Variants in TTC28 observed in about 807,000 individuals in gnomAD.
The protein encoded by TTC28 is tetratricopeptide repeat domain 28, also known as tetratricopeptide repeat protein 28.
A neutral mutation model predicts 198.0 loss-of-function variants in TTC28; 61 were observed. The ratio of observed to expected loss-of-function variants is 0.31; its 90% CI spans 0.25 to 0.38. The LOEUF (loss-of-function observed/expected upper bound fraction) is 0.38. TTC28 is among the 10% of genes least tolerant of loss of function. The pLI is 1.00. For synonymous variants in TTC28, 1,171 were observed against 1,297.8 expected (o/e 0.90, Z 2.10); for missense variants, 2,678 against 3,164.0 (o/e 0.85, Z 3.69).
chr22:28,329,123 T>C (rs2045577884), intron 2 of TTC28, among the ~76,000 whole-genome samples: 1 of 152,176 alleles, frequency 6.6e-6, no homozygotes, highest in African/African-American at 2.4e-5. Context: ...GACTTTCTTC[T>C]TGCTGTCCTA....
intron 2 of TTC28, among the ~76,000 whole-genome samples, chr22:28,607,969 A>G (rs943293540): frequency 5.9e-5 from 9 of 152,206 alleles, no homozygotes; most frequent in African/African-American, 2.2e-4. Context: ...GTGGAAAAAC[A>G]CTTCCAAAAT....
intron 6 of TTC28, among the ~76,000 whole-genome samples, chr22:28,162,431 T>C (rs1351309935): frequency 6.6e-6 from 1 of 152,244 alleles, no homozygotes; most frequent in Non-Finnish European, 1.5e-5. Context: ...TCTCATCTAC[T>C]GATGACTGCT....
At chr22:28,190,102 A>G (rs967067853) in intron 5 of TTC28, among the ~76,000 whole-genome samples, 6 of 152,210 alleles carry the variant, frequency 3.9e-5, no homozygotes, top group African/African-American at 1.4e-4. Context: ...ATGGTCACAC[A>G]GCTGAAAGGT....
chr22:28,567,479 CATATATATATATATATAT>C (rs398040471), intron 2 of TTC28, among the ~76,000 whole-genome samples: 39 of 51,144 alleles, frequency 7.6e-4, no homozygotes, highest in East Asian at 1.9e-3. Context: ...TACATACATA[CATATATATATATATATAT>C]ATATATATAT....
chr22:28,661,207 C>T (rs1310930429), intron 1 of TTC28, among the ~76,000 whole-genome samples: 2 of 151,958 alleles, frequency 1.3e-5, no homozygotes, highest in African/African-American at 4.8e-5. Flanking sequence ...TCCCTTGAAC[C>T]CAGGAGGTGG....
intron 2 of TTC28, among the ~76,000 whole-genome samples, chr22:28,597,791 T>C (rs1273249175): frequency 6.6e-6 from 1 of 152,100 alleles, no homozygotes; most frequent in Non-Finnish European, 1.5e-5. Flanking sequence ...TCCTCTTACC[T>C]TTTGCGGGGA....
intron 2 of TTC28, among the ~76,000 whole-genome samples, chr22:28,445,951 G>C (rs1311991943): frequency 3.3e-5 from 5 of 151,976 alleles, no homozygotes; most frequent in Admixed American, 3.3e-4. Flanking sequence ...GCAGGGACTT[G>C]ACTGTTATAA....
chr22:28,003,418 T>A (rs1181439456), intron 14 of TTC28, among the ~76,000 whole-genome samples: 2 of 152,168 alleles, frequency 1.3e-5, no homozygotes, highest in Admixed American at 1.3e-4. Context: ...CCACCTGCCA[T>A]GTGCAAAACT....
intron 5 of TTC28, among the ~76,000 whole-genome samples, chr22:28,282,061 C>A (rs1163490990): frequency 6.6e-6 from 1 of 152,042 alleles, no homozygotes; most frequent in East Asian, 1.9e-4. Flanking sequence ...CTTACAAAAC[C>A]AAACAAAAAA....
At chr22:28,188,581 T>C (rs1924421946) in intron 5 of TTC28, among the ~76,000 whole-genome samples, 1 of 152,156 alleles carries the variant, frequency 6.6e-6, no homozygotes, top group African/African-American at 2.4e-5. Flanking sequence ...GGGCCTACTG[T>C]CTGGAGATGT....
chr22:28,072,790 G>A (rs1014251922), intron 12 of TTC28, among the ~76,000 whole-genome samples: 6 of 152,156 alleles, frequency 3.9e-5, no homozygotes, highest in East Asian at 1.9e-4. Context: ...GGGGGAAGCC[G>A]GCTCCTGTTG....
At chr22:28,397,450 G>A (rs1238007154) in intron 2 of TTC28, among the ~76,000 whole-genome samples, 1 of 152,204 alleles carries the variant, frequency 6.6e-6, no homozygotes, top group Non-Finnish European at 1.5e-5. Context: ...TGTATTTAAT[G>A]AAACCATACA....
chr22:28,220,730 C>T (rs189874610), intron 5 of TTC28, among the ~76,000 whole-genome samples: 2 of 152,280 alleles, frequency 1.3e-5, no homozygotes, highest in African/African-American at 4.8e-5. Context: ...TGGTTAGAAG[C>T]AAGTCACAGG....
chr22:28,099,048 C>T lies in TTC28; in HGVS notation c.3418-4G>A, dbSNP rs1251432337. On this transcript the variant is annotated splice_polypyrimidine_tract_variant and splice_region_variant and intron_variant, in intron 9 of 22. Transcript: ENST00000397906. ...ACAAGGCTGATGCCCTATAAAGCTGCAAGGAGGGAGGAAGAACATCATCCA... is the reference window on the plus strand; with the variant it reads ...ACAAGGCTGATGCCCTATAAAGCTGTAAGGAGGGAGGAAGAACATCATCCA... The T allele has an allele frequency of 6.4e-7, 1 of 1,551,876 alleles. No homozygotes were observed. The highest frequency in any genetic ancestry group is 8.7e-7 in the Non-Finnish European group (1 of 1,147,010).
chr22:28,118,974 T>A (rs1250833878), intron 6 of TTC28, among the ~76,000 whole-genome samples: 1 of 152,250 alleles, frequency 6.6e-6, no homozygotes, highest in Non-Finnish European at 1.5e-5. Context: ...CATGCTCAGC[T>A]GACTTTGCCT....
intron 2 of TTC28, among the ~76,000 whole-genome samples, chr22:28,308,307 C>A (rs919956053): frequency 6.6e-6 from 1 of 152,044 alleles, no homozygotes; most frequent in Non-Finnish European, 1.5e-5. Flanking sequence ...TATATTCCAA[C>A]TAAAAATAAC....
At chr22:28,472,546 ATGTG>A (rs755019373) in intron 2 of TTC28, among the ~76,000 whole-genome samples, 1 of 88,928 alleles carries the variant, frequency 1.1e-5, no homozygotes, top group African/African-American at 4.0e-5. Flanking sequence ...CAAAAAGAAA[ATGTG>A]TATGTGTGTG....
At chr22:28,137,963 C>A (rs1019673409) in intron 6 of TTC28, among the ~76,000 whole-genome samples, 26 of 151,972 alleles carry the variant, frequency 1.7e-4, no homozygotes, top group African/African-American at 6.3e-4. Context: ...TGCAGTGAGC[C>A]GAGATCGCGC....
At chr22:28,143,856 A>T (rs1254367109) in intron 6 of TTC28, among the ~76,000 whole-genome samples, 5 of 152,244 alleles carry the variant, frequency 3.3e-5, no homozygotes, top group African/African-American at 4.8e-5. Flanking sequence ...CTTTTCTTCC[A>T]GCGAATCTTA....
Sources: gnomAD v4.1 joint callset for allele counts (sites outside exome capture counted in the v4.1 genomes callset) on GRCh38, gnomAD v4.1.1 for gene constraint, MANE v1.5 for transcripts, NCBI Gene and HGNC (gene_info 2026-07-23, HGNC 2026-07-21) for gene names.